CWF19L2: variants seen among roughly 807,000 people sequenced by gnomAD.
CWF19L2 encodes CWF19 like cell cycle control factor 2, also known as CWF19-like protein 2.
Under a neutral mutation model 111.7 loss-of-function variants are expected in CWF19L2, and 98 were observed. The ratio of observed to expected loss-of-function variants is 0.88; its 90% CI spans 0.75 to 1.04. The LOEUF is 1.04. CWF19L2 is among the 50% of genes least tolerant of loss of function. The pLI is 0.00. For missense variants in CWF19L2, 1,101 were observed against 1,051.4 expected (o/e 1.05, Z -0.65); for synonymous variants, 351 against 342.9 (o/e 1.02, Z -0.26).
chr11:107,334,098 C>T (rs112656364), intron 16 of CWF19L2, among the ~76,000 whole-genome samples: 1 of 152,234 alleles, frequency 6.6e-6, no homozygotes, highest in East Asian at 1.9e-4. Flanking sequence ...AGACTATAAT[C>T]TCCATCAAGT....
chr11:107,369,169 C>A (rs1860474451), intron 12 of CWF19L2, among the ~76,000 whole-genome samples: 1 of 137,510 alleles, frequency 7.3e-6, no homozygotes, highest in Non-Finnish European at 1.6e-5. Context: ...TTTTAGTTAT[C>A]CATTTTTTTC....
rs66699460 is a variant in CWF19L2 at position 107,380,046 on chromosome 11, CAA to C, written c.1872+10026_1872+10027del. On this transcript the variant is annotated intron_variant, in intron 12 of 17. Coordinates refer to ENST00000282251, the MANE Select transcript of CWF19L2 (RefSeq NM_152434.3). ...TGGGCGACAGAGCGAGACACCGTCTCAAAAAAAAAAAAAAAAAAAAAAAAAAT... is the reference window on the plus strand; with the variant it reads ...TGGGCGACAGAGCGAGACACCGTCTCAAAAAAAAAAAAAAAAAAAAAAAAT... 3.2e-4 allele frequency among the ~76,000 whole-genome samples: 11 copies of C among 34,488 alleles called. No homozygotes were observed. In the South Asian group the frequency reaches 7.2e-3, roughly 23 times the overall value. 22.6% of individuals were successfully genotyped at this position (34,488 alleles called of 152,430 possible).
intron 12 of CWF19L2, among the ~76,000 whole-genome samples, chr11:107,359,432 T>C (rs748630359): frequency 2.4e-4 from 37 of 152,150 alleles, no homozygotes; most frequent in Non-Finnish European, 4.9e-4. Flanking sequence ...GGCTATGTCT[T>C]CCAGGATATA....
chr11:107,332,142 G>C (rs372274998), intron 16 of CWF19L2, among the ~76,000 whole-genome samples: 1 of 152,106 alleles, frequency 6.6e-6, no homozygotes, highest in Non-Finnish European at 1.5e-5. Context: ...CCACATTCTC[G>C]TGAGAAGTGC....
At chr11:107,355,817 A>G (rs933742591) in intron 12 of CWF19L2, among the ~76,000 whole-genome samples, 2 of 152,206 alleles carry the variant, frequency 1.3e-5, no homozygotes, top group Admixed American at 1.3e-4. Flanking sequence ...ACTCTCTATA[A>G]TTGGTAGCAC....
At chr11:107,369,595 T>C (rs146446558) in intron 12 of CWF19L2, among the ~76,000 whole-genome samples, 1 of 138,620 alleles carries the variant, frequency 7.2e-6, no homozygotes, top group East Asian at 2.1e-4. Flanking sequence ...TTCTCATTTG[T>C]ATATTGCATT....
intron 12 of CWF19L2, among the ~76,000 whole-genome samples, chr11:107,387,674 C>T (rs1187590266): frequency 6.6e-6 from 1 of 152,062 alleles, no homozygotes; most frequent in Non-Finnish European, 1.5e-5. Flanking sequence ...CACCTCAGAT[C>T]AACAGGAATT....
chr11:107,362,936 C>A lies in CWF19L2; in HGVS notation c.1873-9200G>T, dbSNP rs1007238954. ...GTTGAAAACTTTGAAAAAAATTTAG[C>A]AGAATGTATAACTAGAACAACCAAT... is the stretch of plus-strand genomic sequence containing the variant. On this transcript the variant is annotated intron_variant, in intron 12 of 17. Transcript: ENST00000282251. Among the ~76,000 whole-genome samples the A allele has an allele frequency of 1.6e-4, 25 of 151,878 alleles. No homozygotes were observed. In the East Asian group the frequency reaches 1.9e-3, roughly 12 times the overall value.
At chr11:107,415,283 A>C (rs1017074800) in intron 10 of CWF19L2, among the ~76,000 whole-genome samples, 1 of 152,178 alleles carries the variant, frequency 6.6e-6, no homozygotes, top group Non-Finnish European at 1.5e-5. Flanking sequence ...ATTAACTACA[A>C]GTCCTTACAT....
intron 10 of CWF19L2, among the ~76,000 whole-genome samples, chr11:107,395,345 C>T (rs58122182): frequency 0.11 from 16,514 of 152,202 alleles, 1,541 homozygotes; most frequent in African/African-American, 0.24. Flanking sequence ...CCAATTAAAC[C>T]TCTTTCTTTT....
intron 12 of CWF19L2, among the ~76,000 whole-genome samples, chr11:107,360,000 C>A (rs951290820): frequency 6.6e-6 from 1 of 152,214 alleles, no homozygotes; most frequent in African/African-American, 2.4e-5. Flanking sequence ...TAGTATTCTC[C>A]TGTTGCATGC....
intron 3 of CWF19L2, among the ~76,000 whole-genome samples, chr11:107,446,727 T>A (rs1274600235): frequency 2.0e-5 from 3 of 152,228 alleles, no homozygotes; most frequent in Non-Finnish European, 2.9e-5. Context: ...TGAAATTAAA[T>A]GAAATGTCTT....
chr11:107,411,089 G>GCACACACACA lies in CWF19L2; in HGVS notation c.1617+5110_1617+5119dup, dbSNP rs146846176. Among the ~76,000 whole-genome samples, 486 of 148,784 alleles carry GCACACACACA rather than the reference G, an allele frequency of 3.3e-3. 2 individuals are homozygous for GCACACACACA. The highest frequency in any genetic ancestry group is 0.012 in the African/African-American group (466 of 40,260). On this transcript the variant is annotated intron_variant, in intron 10 of 17. Transcript: ENST00000282251. ...GTGGTGTGTGTGTGCGCGCGTGCGT[G>GCACACACACA]CACACACACACACACACACACACAC...
Position 107,326,929 on chromosome 11 carries a change from G to C in CWF19L2, c.2666C>G (p.Thr889Ser). Residue 889 changes from threonine (T) to serine (S), a missense_variant, in exon 18 of 18, where the codon ACC becomes AGC. Transcript: ENST00000282251. ...TACACCTCAATAGTTTTTACTTTTG[G>C]TGAAGTCATATGGTTTCCACCACTG... ...FAQWWKPYDF[T>S]KSKNY 2.5e-6 allele frequency: 4 copies of C among 1,598,422 alleles called. No individual in the cohort carries two copies. Among genetic ancestry groups the C allele is most frequent in the Non-Finnish European group, 3.4e-6 (4 of 1,174,492 alleles).
In CWF19L2 at chr11:107,433,777, T is replaced by A. The variant is rs111800263; in HGVS notation, c.665-28A>T. ...AAATTCCAGTATTAAATATTAGTTA[T>A]ACTTTTAATGTGGTTATCATACAAT... On this transcript the variant is annotated intron_variant, in intron 6 of 17. Transcript: ENST00000282251. The A allele has an allele frequency of 4.5e-6, 5 of 1,105,684 alleles. No homozygotes were observed. The East Asian group carries it at 1.4e-4, about 31-fold the overall frequency. 68.5% of individuals were successfully genotyped at this position (1,105,684 alleles called of 1,614,324 possible).
At chr11:107,329,841 A>AAAG in intron 17 of CWF19L2, 77 bp downstream of exon 17, 1 of 1,170,104 alleles carries the variant, frequency 8.5e-7, no homozygotes, top group Non-Finnish European at 1.2e-6. Flanking sequence ...TACTGTGCCC[A>AAAG]AAGTTTTTAT....
intron 3 of CWF19L2, among the ~76,000 whole-genome samples, chr11:107,452,027 C>G (rs1861784947): frequency 6.6e-6 from 1 of 152,158 alleles, no homozygotes; most frequent in Non-Finnish European, 1.5e-5. Context: ...AAAAGGCAAT[C>G]ATGTCCACTC....
chr11:107,340,619 T>A (rs1859992489), intron 14 of CWF19L2, among the ~76,000 whole-genome samples: 1 of 152,196 alleles, frequency 6.6e-6, no homozygotes, highest in Non-Finnish European at 1.5e-5. Context: ...TAAGGCTGAT[T>A]CTTGCAACTG....
rs190524478 is a variant in CWF19L2, at chr11:107,357,983, G to A, written c.1873-4247C>T. Among the ~76,000 whole-genome samples the A allele has an allele frequency of 5.3e-5, 8 of 152,234 alleles. No individual in the cohort carries two copies. In the East Asian group the frequency reaches 1.5e-3, roughly 29 times the overall value. ...TTTAGACAGAACCCTTTAAAAAGCT[G>A]ATTATATTATACAAAATCAATTTGG... On this transcript the variant is annotated intron_variant, in intron 12 of 17. Transcript: ENST00000282251.
Sources: gnomAD v4.1 joint callset for allele counts (sites outside exome capture counted in the v4.1 genomes callset) on GRCh38, gnomAD v4.1.1 for gene constraint, MANE v1.5 for transcripts, NCBI Gene and HGNC (gene_info 2026-07-23, HGNC 2026-07-21) for gene names.